The following ELK4 variants were observed in gnomAD, a reference collection of about 807,000 sequenced individuals.
The protein encoded by ELK4 is ETS domain-containing protein Elk-4.
ELK4 carries 16 observed loss-of-function variants against 29.6 expected under a neutral mutation model. The observed-to-expected ratio is 0.54, with a 90% CI of 0.37 to 0.82. ELK4 has a LOEUF of 0.82. Among genes scored for constraint, ELK4 ranks in the 40% least tolerant of loss-of-function variants. The pLI, the probability that ELK4 is intolerant of heterozygous loss-of-function variation, is 0.00. For missense variants in ELK4, 465 were observed against 507.1 expected (o/e 0.92, Z 0.80); for synonymous variants, 213 against 191.1 (o/e 1.11, Z -0.95).
rs771334647 is a variant in ELK4 at position 205,631,636 on chromosome 1, G to A, written c.-14C>T. ...CGCGCGGGGCTGACCGCTCACCGAC[G>A]CCGCGCGCGGGGCTCCCCCTCGGTC... On this transcript the variant is annotated 5_prime_UTR_variant, in exon 1 of 5. Transcript: ENST00000357992. The A allele has an allele frequency of 1.2e-5, 4 of 323,412 alleles. No individual in the cohort carries two copies. Among genetic ancestry groups the A allele is most frequent in the South Asian group, 2.1e-5 (1 of 46,800 alleles). 20.0% of individuals were successfully genotyped at this position (323,412 alleles called of 1,614,324 possible).
intron 1 of ELK4, among the ~76,000 whole-genome samples, chr1:205,630,754 G>A (rs1670566290): frequency 6.6e-6 from 1 of 152,154 alleles, no homozygotes; most frequent in Admixed American, 6.5e-5. Flanking sequence ...TGTTCCTGAA[G>A]GGAAAATATT....
intron 4 of ELK4, among the ~76,000 whole-genome samples, chr1:205,618,423 C>G (rs1394163748): frequency 6.6e-6 from 1 of 151,958 alleles, no homozygotes; most frequent in Non-Finnish European, 1.5e-5. Context: ...CTTGGTCTAA[C>G]TCAAATGTAT....
rs1670179056 is a variant in ELK4 at position 205,613,139 on chromosome 1, A to G, written c.*3407T>C. On this transcript the variant is annotated 3_prime_UTR_variant, in exon 5 of 5. Coordinates refer to ENST00000357992, the MANE Select transcript of ELK4 (RefSeq NM_001973.4). ...ACACATAAAGTATGCCATGAGCAAT[A>G]TAACATCACAAACGTACTGTGACAA... The G allele has an allele frequency of 5.1e-6, 1 of 196,782 alleles. No individual in the cohort carries two copies. The highest frequency in any genetic ancestry group is 6.1e-5 in the Admixed American group (1 of 16,438). 12.2% of individuals were successfully genotyped at this position (196,782 alleles called of 1,614,324 possible). A position where few individuals can be genotyped will look rare whatever the true frequency, so the allele number is the denominator to read the frequency against.
rs113166967 is a variant in ELK4 at position 205,629,329 on chromosome 1, T to C, written c.-10+2303A>G. Reference sequence around the variant, plus strand: ...AATTATGATATCGTTATTCTTTTGATTGAAAAGCAGCCAACGTCTTCTTAC... The same window carrying C: ...AATTATGATATCGTTATTCTTTTGACTGAAAAGCAGCCAACGTCTTCTTAC... On this transcript the variant is annotated intron_variant, in intron 1 of 4. Transcript: ENST00000357992. 4.8e-3 allele frequency among the ~76,000 whole-genome samples: 733 copies of C among 152,348 alleles called. 3 individuals carry two copies. The highest frequency in any genetic ancestry group is 0.017 in the African/African-American group (697 of 41,564).
intron 4 of ELK4, among the ~76,000 whole-genome samples, chr1:205,617,956 C>G (rs758422543): frequency 1.0e-4 from 15 of 148,278 alleles, no homozygotes; most frequent in Non-Finnish European, 2.1e-4. Context: ...GTGCAGAGAT[C>G]CCCCATATAT....
rs113214027 is a variant in ELK4 at position 205,613,017 on chromosome 1, CT to C, written c.*3528del. 5,780 of 170,010 alleles carry C rather than the reference CT, an allele frequency of 0.034. No homozygotes were observed. Among genetic ancestry groups the C allele is most frequent in the East Asian group, 0.093 (872 of 9,394 alleles). 10.5% of individuals were successfully genotyped at this position (170,010 alleles called of 1,614,324 possible). A position where few individuals can be genotyped will look rare whatever the true frequency, so the allele number is the denominator to read the frequency against. ...GTTGACCTTTCAAGGGCCTCTAATT[CT>C]TTTTTTTTTTTCCTGACCGTACTCC... On this transcript the variant is annotated 3_prime_UTR_variant, in exon 5 of 5. Transcript: ENST00000357992.
At chr1:205,626,280 G>A in intron 1 of ELK4, 1 of 399,720 alleles carries the variant, frequency 2.5e-6, no homozygotes, top group South Asian at 2.3e-5. Context: ...AATGTTTGAG[G>A]CTTTCTTTCC....
At chr1:205,619,138 C>T (rs998366542) in intron 3 of ELK4, 65 bp from the exon 4 acceptor site, 2 of 1,355,314 alleles carry the variant, frequency 1.5e-6, no homozygotes, top group African/African-American at 3.0e-5. Context: ...CTTGAAACAG[C>T]ACACAAATAA....
rs970883848 is a variant in ELK4, at chr1:205,612,453, T to C, written c.*4093A>G. On this transcript the variant is annotated 3_prime_UTR_variant, in exon 5 of 5. Transcript: ENST00000357992. Reference sequence around the variant, plus strand: ...TGTGTATTTTTTTATAACACACATATTACTTTGGTATAGCGGTATATAATT... The same window carrying C: ...TGTGTATTTTTTTATAACACACATACTACTTTGGTATAGCGGTATATAATT... 4.6e-6 allele frequency: 1 copy of C among 215,650 alleles called. No homozygotes were observed. The highest frequency in any genetic ancestry group is 9.3e-6 in the Non-Finnish European group (1 of 107,108). The allele number at this position is 215,650 out of a possible 1,614,324, so 13.4% of individuals were successfully genotyped here.
chr1:205,619,323 G>T (rs916380696), intron 3 of ELK4: 1 of 1,068,902 alleles, frequency 9.4e-7, no homozygotes, highest in Non-Finnish European at 1.1e-6. Context: ...GTGGTTTTTG[G>T]TTACATGGAT....
Position 205,620,235 on chromosome 1 carries a change from G to A in ELK4, c.811C>T (p.Pro271Ser). The A allele has an allele frequency of 6.2e-7, 1 of 1,614,234 alleles. No homozygotes were observed. The highest frequency in any genetic ancestry group is 2.2e-5 in the East Asian group (1 of 44,886). The change falls in exon 3 of 5, where the codon CCA (proline) becomes TCA (serine). Residue 271 changes from proline (P) to serine (S), a missense_variant. Physicochemically the swap from Pro to Ser is moderately conservative, Grantham distance 74 (BLOSUM62 -1). Transcript: ENST00000357992. ...LQEPPRTPSP[P>S]LSSHPDIDTD... ...TCGATGTCTGGGTGAGAACTCAGTG[G>A]TGGTGAAGGTGTTCTGGGAGGTTCC...
At chr1:205,628,155 C>G (rs903445610) in intron 1 of ELK4, among the ~76,000 whole-genome samples, 8 of 152,224 alleles carry the variant, frequency 5.3e-5, no homozygotes, top group Non-Finnish European at 1.2e-4. Flanking sequence ...TCCCCATAGC[C>G]TCACTTAAGC....
At position 205,611,902 on chromosome 1, in the gene ELK4, T is replaced by C. The variant is rs1670155692; in HGVS notation, c.*4644A>G. 5.3e-6 allele frequency: 1 copy of C among 187,342 alleles called. No homozygotes were observed. Among genetic ancestry groups the C allele is most frequent in the African/African-American group, 2.3e-5 (1 of 42,776 alleles). 11.6% of individuals were successfully genotyped at this position (187,342 alleles called of 1,614,324 possible). ...CCTATAAAGAAAAGTATTCCTTTAG[T>C]TGCTGAAATATCAGATTTTAAAAAT... On this transcript the variant is annotated 3_prime_UTR_variant, in exon 5 of 5. Transcript: ENST00000357992.
chr1:205,626,322 G>C (rs1670460662), intron 1 of ELK4, among the ~76,000 whole-genome samples: 1 of 152,088 alleles, frequency 6.6e-6, no homozygotes, highest in South Asian at 2.1e-4. Flanking sequence ...TGGTGGAGTT[G>C]GCATCTCGTA....
Position 205,631,853 on chromosome 1 carries a change from G to A in ELK4, c.-231C>T. ...CGGCTCCTGGCGCCCCGCCCTCCCC[G>A]CCCCCGCACGCGGCAGCGGCGGCGC... On this transcript the variant is annotated 5_prime_UTR_variant, in exon 1 of 5. Coordinates refer to ENST00000357992, the MANE Select transcript of ELK4 (RefSeq NM_001973.4). 1 of 148,018 alleles carries A rather than the reference G, an allele frequency of 6.8e-6. No individual in the cohort carries two copies. The highest frequency in any genetic ancestry group is 1.5e-5 in the Non-Finnish European group (1 of 66,648). The allele number at this position is 148,018 out of a possible 1,614,324, so 9.2% of individuals were successfully genotyped here.
chr1:205,615,635 T>C lies in ELK4; in HGVS notation c.*911A>G, dbSNP rs1398286320. The C allele has an allele frequency of 9.9e-6, 2 of 202,500 alleles. No individual in the cohort carries two copies. Among genetic ancestry groups the C allele is most frequent in the East Asian group, 7.5e-5 (1 of 13,278 alleles). 12.5% of individuals were successfully genotyped at this position (202,500 alleles called of 1,614,324 possible). ...AACCACTACATGTTGTTTCAAGTTA[T>C]CTGATCGAATCTTTTACTCAGAGAT... is the stretch of plus-strand genomic sequence containing the variant. On this transcript the variant is annotated 3_prime_UTR_variant, in exon 5 of 5. Transcript: ENST00000357992.
intron 1 of ELK4, among the ~76,000 whole-genome samples, chr1:205,624,840 G>A (rs1445332398): frequency 6.6e-6 from 1 of 152,096 alleles, no homozygotes; most frequent in African/African-American, 2.4e-5. Flanking sequence ...TTCCCCCAGG[G>A]GTCAAAGTCA....
intron 2 of ELK4, among the ~76,000 whole-genome samples, chr1:205,622,173 C>T (rs1409750310): frequency 3.9e-5 from 6 of 152,038 alleles, no homozygotes; most frequent in Non-Finnish European, 7.4e-5. Context: ...GAGATCACGC[C>T]ACTGTGTTCC....
chr1:205,614,647 T>C lies in ELK4; in HGVS notation c.*1899A>G, dbSNP rs568679552. 18 of 226,074 alleles carry C rather than the reference T, an allele frequency of 8.0e-5. No homozygotes were observed. In the East Asian group the frequency reaches 1.0e-3, roughly 13 times the overall value. 14.0% of individuals were successfully genotyped at this position (226,074 alleles called of 1,614,324 possible). The stretch of plus-strand genomic sequence containing the variant: ...CTGAATATGTTCCCTCTACTACTAC[T>C]AAGTTAGCTAGCATAGATGTCTTCT... On this transcript the variant is annotated 3_prime_UTR_variant, in exon 5 of 5. Transcript: ENST00000357992.
Sources: gnomAD v4.1 joint callset for allele counts (sites outside exome capture counted in the v4.1 genomes callset) on GRCh38, gnomAD v4.1.1 for gene constraint, MANE v1.5 for transcripts, NCBI Gene and HGNC (gene_info 2026-07-23, HGNC 2026-07-21) for gene names.